Variants in CDC42BPA observed in about 807,000 individuals in gnomAD.
The protein encoded by CDC42BPA is serine/threonine-protein kinase MRCK alpha.
Under a neutral mutation model 223.5 loss-of-function variants are expected in CDC42BPA, and 80 were observed. That is an observed-to-expected ratio of 0.36 (90% CI 0.30 to 0.43). The LOEUF (loss-of-function observed/expected upper bound fraction) is 0.43, where lower values mean the gene tolerates loss of function less well. CDC42BPA is among the 20% of genes least tolerant of loss of function. The pLI, the probability that CDC42BPA is intolerant of heterozygous loss-of-function variation, is 1.00. For missense variants in CDC42BPA, 1,743 were observed against 2,099.9 expected, an observed-to-expected ratio of 0.83 and a Z score of 3.32; for synonymous variants, 694 against 718.6, an observed-to-expected ratio of 0.97 and a Z score of 0.55.
At chr1:227,193,340 G>C (rs558743009) in intron 5 of CDC42BPA, among the ~76,000 whole-genome samples, 1 of 152,008 alleles carries the variant, frequency 6.6e-6, no homozygotes, top group African/African-American at 2.4e-5. Context: ...GATTACAAGC[G>C]TGAGCAACCG....
intron 14 of CDC42BPA, among the ~76,000 whole-genome samples, chr1:227,107,585 T>G (rs976688027): frequency 2.0e-5 from 3 of 152,110 alleles, no homozygotes; most frequent in African/African-American, 7.2e-5. Flanking sequence ...AAAAAAGAGT[T>G]TGGGAAGGAT....
intron 17 of CDC42BPA, among the ~76,000 whole-genome samples, chr1:227,077,552 T>C (rs1005143160): frequency 2.6e-5 from 4 of 152,258 alleles, no homozygotes; most frequent in South Asian, 2.1e-4. Context: ...CCATCCTCCT[T>C]CTTTCTTGTC....
chr1:227,182,646 C>T (rs1311803536), intron 5 of CDC42BPA, among the ~76,000 whole-genome samples: 2 of 152,124 alleles, frequency 1.3e-5, no homozygotes, highest in Non-Finnish European at 2.9e-5. Flanking sequence ...AGTTTTCACC[C>T]TCTGATAATT....
intron 1 of CDC42BPA, among the ~76,000 whole-genome samples, chr1:227,266,326 C>G (rs1320747770): frequency 6.6e-6 from 1 of 152,090 alleles, no homozygotes; most frequent in Non-Finnish European, 1.5e-5. Context: ...TCTCTCTACT[C>G]TATATATTAC....
chr1:227,004,587 C>T (rs981158475), intron 35 of CDC42BPA: 3 of 240,582 alleles, frequency 1.2e-5, no homozygotes, highest in African/African-American at 4.4e-5. Context: ...TGTAGCCATA[C>T]TAGCCTTCTT....
At chr1:227,036,762 G>T (rs981676457) in intron 24 of CDC42BPA, among the ~76,000 whole-genome samples, 2 of 152,106 alleles carry the variant, frequency 1.3e-5, no homozygotes, top group Non-Finnish European at 2.9e-5. Flanking sequence ...TATCTAGCAA[G>T]TTATGATTTG....
At chr1:227,072,566 A>G (rs1332004118) in intron 19 of CDC42BPA, among the ~76,000 whole-genome samples, 2 of 152,042 alleles carry the variant, frequency 1.3e-5, no homozygotes, top group African/African-American at 4.8e-5. Context: ...CTGTGATGGA[A>G]GCTAATCAAA....
Position 227,074,419 on chromosome 1 carries a change from A to G in CDC42BPA, c.2481-55T>C, listed in dbSNP as rs1030522974. The G allele has an allele frequency of 7.3e-6, 9 of 1,240,714 alleles. No individual in the cohort carries two copies. The African/African-American group carries it at 1.2e-4, about 17-fold the overall frequency. The allele number at this position is 1,240,714 out of a possible 1,614,324, so 76.9% of individuals were successfully genotyped here. A position where few individuals can be genotyped will look rare whatever the true frequency, so the allele number is the denominator to read the frequency against. ...TAAAACAAAAAAGCTTCAGTGCAAT[A>G]TATGTTATTTTAAAGCTTCCTAAAG... On this transcript the variant is annotated intron_variant, in intron 17 of 36. Transcript: ENST00000366766.
intron 18 of CDC42BPA, 73 bp from the exon 19 acceptor site, chr1:227,074,085 GTGT>G: frequency 6.6e-7 from 1 of 1,519,396 alleles, no homozygotes; most frequent in Non-Finnish European, 8.9e-7. Flanking sequence ...AACCAGCTGT[GTGT>G]TATGTTTTTC....
chr1:227,017,155 T>A (rs748367124), intron 32 of CDC42BPA, 105 bp from the exon 33 acceptor site: 1 of 1,011,092 alleles, frequency 9.9e-7, no homozygotes, highest in Non-Finnish European at 1.4e-6. Context: ...TACAAGTACA[T>A]GCAATTCTGG....
chr1:227,196,859 C>T (rs977215529), intron 4 of CDC42BPA, among the ~76,000 whole-genome samples: 1 of 152,054 alleles, frequency 6.6e-6, no homozygotes, highest in African/African-American at 2.4e-5. Context: ...TAAGAAAGTA[C>T]AGAACGAACA....
At chr1:227,267,185 T>C (rs1042298581) in intron 1 of CDC42BPA, among the ~76,000 whole-genome samples, 5 of 152,232 alleles carry the variant, frequency 3.3e-5, no homozygotes, top group African/African-American at 1.2e-4. Context: ...TATAAGCTCC[T>C]TCAGCCAAGA....
chr1:227,138,235 T>C (rs901884890), intron 10 of CDC42BPA, among the ~76,000 whole-genome samples: 1 of 152,086 alleles, frequency 6.6e-6, no homozygotes. Context: ...TGTCCATAAA[T>C]ACATTCCTTC....
At chr1:227,249,604 A>G (rs1426449125) in intron 2 of CDC42BPA, among the ~76,000 whole-genome samples, 1 of 152,204 alleles carries the variant, frequency 6.6e-6, no homozygotes, top group Non-Finnish European at 1.5e-5. Context: ...TATAGGAAAC[A>G]ATCTGATAAT....
chr1:227,076,672 A>G (rs1259194310), intron 17 of CDC42BPA, among the ~76,000 whole-genome samples: 1 of 152,150 alleles, frequency 6.6e-6, no homozygotes, highest in African/African-American at 2.4e-5. Flanking sequence ...TATTTGGCTA[A>G]ATCATTCAAA....
rs1363257794 is a variant in CDC42BPA at position 227,213,169 on chromosome 1, T to A, written c.321A>T (p.Ile107=). 15 of 1,570,918 alleles carry A rather than the reference T, an allele frequency of 9.5e-6. No individual in the cohort carries two copies. Among genetic ancestry groups the A allele is most frequent in the Non-Finnish European group, 1.2e-5 (14 of 1,147,168 alleles). ...TTTTCAGCATTTCCCATTTATTCAA[T>A]ATTTTCATGGCAAACACTTTATCTG... is the stretch of plus-strand genomic sequence containing the variant. The part of the protein sequence containing the change: ...KNADKVFAMK[I]LNKWEMLKRA... Residue 107 remains isoleucine (I), a synonymous_variant, in exon 3 of 37, where the codon ATA becomes ATT. Coordinates refer to ENST00000366766, the MANE Select transcript of CDC42BPA (RefSeq NM_001394014.1).
intron 35 of CDC42BPA, chr1:227,004,616 C>T (rs1663618108): frequency 3.9e-6 from 1 of 258,034 alleles, no homozygotes; most frequent in South Asian, 5.3e-5. Context: ...CCAAACATTA[C>T]TCAAACATGA....
chr1:227,275,904 C>T lies in CDC42BPA; in HGVS notation c.179-21749G>A, dbSNP rs548585561. Among the ~76,000 whole-genome samples the T allele has an allele frequency of 3.0e-3, 460 of 152,298 alleles. 2 individuals carry two copies. The highest frequency in any genetic ancestry group is 0.01 in the African/African-American group (436 of 41,566). On this transcript the variant is annotated intron_variant, in intron 1 of 36. Transcript: ENST00000366766. Reference sequence around the variant, plus strand: ...CAGACGGAGTCTCGCTCACTCAGTGCTCAATGTTGCCCAGGCTGGAGTGCA... The same window carrying T: ...CAGACGGAGTCTCGCTCACTCAGTGTTCAATGTTGCCCAGGCTGGAGTGCA...
intron 1 of CDC42BPA, among the ~76,000 whole-genome samples, chr1:227,301,291 T>C (rs1691574801): frequency 1.3e-5 from 2 of 152,042 alleles, no homozygotes; most frequent in African/African-American, 4.8e-5. Context: ...TTACAGGACT[T>C]AGAAATACCT....
Sources: allele counts gnomAD v4.1 joint callset (sites outside exome capture counted in the v4.1 genomes callset), GRCh38; gene constraint gnomAD v4.1.1; transcripts MANE v1.5; gene names NCBI Gene and HGNC (gene_info 2026-07-23, HGNC 2026-07-21).